The following HCN1 variants were observed in gnomAD, a reference collection of about 807,000 sequenced individuals.
HCN1 encodes the protein potassium/sodium hyperpolarization-activated cyclic nucleotide-gated channel 1.
A neutral mutation model predicts 78.9 loss-of-function variants in HCN1; 13 were observed. The observed-to-expected ratio is 0.16, with a 90% CI of 0.11 to 0.26. The LOEUF is 0.26. Ranked by LOEUF, HCN1 falls within the 10% of genes least tolerant of loss-of-function variation. HCN1 has a pLI of 1.00. For missense variants in HCN1, 810 were observed against 1,154.3 expected (o/e 0.70, Z 4.32); for synonymous variants, 552 against 455.5 (o/e 1.21, Z -2.70).
chr5:45,304,859 T>C (rs191226444), intron 5 of HCN1, among the ~76,000 whole-genome samples: 1 of 152,254 alleles, frequency 6.6e-6, no homozygotes, highest in East Asian at 1.9e-4. Context: ...GAGATCTGTA[T>C]GTTTGATTTC....
chr5:45,465,043 G>A (rs910188902), intron 2 of HCN1, among the ~76,000 whole-genome samples: 8 of 152,022 alleles, frequency 5.3e-5, no homozygotes, highest in African/African-American at 1.4e-4. Context: ...CATCTATAAG[G>A]TGGACATTCT....
chr5:45,412,399 G>A (rs1032241645), intron 3 of HCN1, among the ~76,000 whole-genome samples: 7 of 152,072 alleles, frequency 4.6e-5, no homozygotes, highest in Admixed American at 4.6e-4. Context: ...TGGTAGCACT[G>A]TACCTCCAGG....
rs1396705827 is a variant in HCN1, at chr5:45,657,728, A to G, written c.426-12120T>C. Among the ~76,000 whole-genome samples, 3 of 152,218 alleles carry G rather than the reference A, an allele frequency of 2.0e-5. No homozygotes were observed. In the South Asian group the frequency reaches 6.2e-4, roughly 32 times the overall value. ...AAGGAGAACTACAAACCACTGCTCA[A>G]TGAAATAAAAGAGGATACAAAGAAA... On this transcript the variant is annotated intron_variant, in intron 1 of 7. Coordinates refer to ENST00000303230, the MANE Select transcript of HCN1 (RefSeq NM_021072.4).
At chr5:45,545,669 T>C (rs992129744) in intron 2 of HCN1, among the ~76,000 whole-genome samples, 6 of 152,210 alleles carry the variant, frequency 3.9e-5, no homozygotes, top group African/African-American at 1.4e-4. Flanking sequence ...TACATATGGC[T>C]AGCCAGTTTT....
intron 5 of HCN1, among the ~76,000 whole-genome samples, chr5:45,304,837 A>G (rs1745695988): frequency 6.6e-6 from 1 of 152,150 alleles, no homozygotes; most frequent in Admixed American, 6.6e-5. Context: ...GATCAGGCCA[A>G]TTCTCAAATA....
intron 4 of HCN1, 51 bp downstream of exon 4, chr5:45,396,441 C>G: frequency 3.6e-6 from 5 of 1,371,982 alleles, no homozygotes; most frequent in Non-Finnish European, 5.1e-6. Context: ...ATTCAATTTA[C>G]TGGTTCAGGT....
intron 2 of HCN1, among the ~76,000 whole-genome samples, chr5:45,490,518 G>C (rs1451155685): frequency 6.6e-6 from 1 of 152,012 alleles, no homozygotes; most frequent in Non-Finnish European, 1.5e-5. Flanking sequence ...TTTCTTCCCA[G>C]AAATAGATAA....
chr5:45,403,853 T>C (rs971337524), intron 3 of HCN1, among the ~76,000 whole-genome samples: 2 of 152,168 alleles, frequency 1.3e-5, no homozygotes, highest in African/African-American at 4.8e-5. Context: ...TGAGTACTAT[T>C]CTTACCATCA....
intron 2 of HCN1, among the ~76,000 whole-genome samples, chr5:45,497,955 G>T (rs1371862172): frequency 1.3e-5 from 2 of 152,044 alleles, no homozygotes; most frequent in African/African-American, 2.4e-5. Context: ...CGAGAGATCC[G>T]CTGTTAGTCT....
chr5:45,563,572 A>G (rs564730678), intron 2 of HCN1, among the ~76,000 whole-genome samples: 1 of 152,168 alleles, frequency 6.6e-6, no homozygotes, highest in Non-Finnish European at 1.5e-5. Flanking sequence ...AAGACTTACA[A>G]TAGAATTCCT....
intron 5 of HCN1, among the ~76,000 whole-genome samples, chr5:45,316,102 G>T (rs1010539012): frequency 6.6e-6 from 1 of 152,112 alleles, no homozygotes; most frequent in Non-Finnish European, 1.5e-5. Context: ...GTCTGGCAGA[G>T]ACACAACAAA....
intron 3 of HCN1, among the ~76,000 whole-genome samples, chr5:45,440,025 A>G (rs1740641067): frequency 6.7e-6 from 1 of 148,690 alleles, no homozygotes; most frequent in African/African-American, 2.4e-5. Context: ...ATAGTATCAT[A>G]TAATGTAATG....
chr5:45,322,207 A>C (rs1006380372), intron 5 of HCN1, among the ~76,000 whole-genome samples: 1 of 151,888 alleles, frequency 6.6e-6, no homozygotes, highest in African/African-American at 2.4e-5. Context: ...GCCTAAGGAC[A>C]CTTAATAAAG....
intron 2 of HCN1, among the ~76,000 whole-genome samples, chr5:45,617,878 T>A (rs1029679429): frequency 6.6e-6 from 1 of 152,104 alleles, no homozygotes; most frequent in Admixed American, 6.6e-5. Flanking sequence ...CCAATGAGAC[T>A]ATAGCTTTTC....
chr5:45,546,953 T>G (rs1481709914), intron 2 of HCN1, among the ~76,000 whole-genome samples: 1 of 151,934 alleles, frequency 6.6e-6, no homozygotes, highest in African/African-American at 2.4e-5. Context: ...CCGCATCGTC[T>G]TAGTTTCCCT....
intron 2 of HCN1, among the ~76,000 whole-genome samples, chr5:45,606,277 C>G (rs769064726): frequency 6.6e-6 from 1 of 151,862 alleles, no homozygotes; most frequent in African/African-American, 2.4e-5. Context: ...TACAGAAACT[C>G]CACCTGGTAC....
intron 2 of HCN1, among the ~76,000 whole-genome samples, chr5:45,588,378 T>A (rs1744285287): frequency 6.6e-6 from 1 of 152,196 alleles, no homozygotes. Context: ...GTGGATATTG[T>A]GTAATTTCGA....
intron 6 of HCN1, 41 bp from the exon 7 acceptor site, chr5:45,267,294 A>T (rs1229430035): frequency 3.1e-6 from 5 of 1,598,478 alleles, no homozygotes; most frequent in Non-Finnish European, 2.6e-6. Context: ...TTGTTTGATC[A>T]TTTTCTTTTA....
At chr5:45,537,500 A>T in intron 2 of HCN1, among the ~76,000 whole-genome samples, 1 of 93,388 alleles carries the variant, frequency 1.1e-5, no homozygotes, top group African/African-American at 4.0e-5. Flanking sequence ...TGTTTGTTTC[A>T]CTAATTTAAA....
Sources: allele counts gnomAD v4.1 joint callset (sites outside exome capture counted in the v4.1 genomes callset), GRCh38; gene constraint gnomAD v4.1.1; transcripts MANE v1.5; gene names NCBI Gene and HGNC (gene_info 2026-07-23, HGNC 2026-07-21).